Variants in ABCC9 observed in about 807,000 individuals in gnomAD.
ABCC9 encodes the protein ATP binding cassette subfamily C member 9, also known as ATP-binding cassette sub-family C member 9.
A neutral mutation model predicts 188.3 loss-of-function variants in ABCC9; 95 were observed. The observed-to-expected ratio is 0.50, with a 90% CI of 0.43 to 0.60. The LOEUF (loss-of-function observed/expected upper bound fraction) is 0.60. Ranked by LOEUF, ABCC9 falls within the 20% of genes least tolerant of loss-of-function variation. ABCC9 has a pLI of 0.00. For synonymous variants in ABCC9, 659 were observed against 652.7 expected (o/e 1.01, Z -0.15); for missense variants, 1,102 against 1,876.3 (o/e 0.59, Z 7.62).
At chr12:21,937,596 A>AG (rs1484267378) in intron 2 of ABCC9, among the ~76,000 whole-genome samples, 2 of 152,164 alleles carry the variant, frequency 1.3e-5, no homozygotes, top group African/African-American at 2.4e-5. Flanking sequence ...AGATGAGCAA[A>AG]GGTCTGCTCC....
rs181523457 is a variant in ABCC9, at chr12:21,847,379, C to T, written c.2866+771G>A. Among the ~76,000 whole-genome samples the T allele has an allele frequency of 4.6e-5, 7 of 152,128 alleles. No individual in the cohort carries two copies. In the East Asian group the frequency reaches 5.8e-4, roughly 13 times the overall value. On this transcript the variant is annotated intron_variant, in intron 25 of 39. Coordinates refer to ENST00000261200, the MANE Select transcript of ABCC9 (RefSeq NM_020297.4). ...TGTAGCCTTCATTCATTAATTCATTCGCTCAATGAATATTTGTTGAAATAC... is the reference window on the plus strand; with the variant it reads ...TGTAGCCTTCATTCATTAATTCATTTGCTCAATGAATATTTGTTGAAATAC...
intron 18 of ABCC9, 122 bp from the exon 19 acceptor site, chr12:21,864,599 G>T (rs1407745920): frequency 2.8e-6 from 2 of 711,706 alleles, no homozygotes; most frequent in Admixed American, 2.3e-5. Context: ...TTCCCAAATG[G>T]TTTCTGATAT....
At chr12:21,924,557 G>A (rs1247891371) in intron 5 of ABCC9, 1 of 151,874 alleles carries the variant, frequency 6.6e-6, no homozygotes, top group Admixed American at 6.6e-5. Flanking sequence ...TTATCTCCAT[G>A]TCCTTCCAGC....
At chr12:21,804,221 A>C (rs767298173) in intron 39 of ABCC9, among the ~76,000 whole-genome samples, 2 of 152,228 alleles carry the variant, frequency 1.3e-5, no homozygotes, top group African/African-American at 2.4e-5. Flanking sequence ...TATTCAGTGA[A>C]TGTAGAAGAG....
chr12:21,824,160 G>T (rs1295328025), intron 31 of ABCC9, among the ~76,000 whole-genome samples: 1 of 152,114 alleles, frequency 6.6e-6, no homozygotes, highest in Non-Finnish European at 1.5e-5. Context: ...TTTGAGATAC[G>T]TTCCATTGAT....
chr12:21,843,440 T>C (rs1944489306), intron 28 of ABCC9, among the ~76,000 whole-genome samples: 1 of 152,180 alleles, frequency 6.6e-6, no homozygotes, highest in Non-Finnish European at 1.5e-5. Context: ...AATAGGGAAA[T>C]TCTTTCTCTG....
intron 5 of ABCC9, among the ~76,000 whole-genome samples, chr12:21,922,749 T>TC (rs1288022018): frequency 2.3e-3 from 307 of 132,506 alleles, no homozygotes; most frequent in African/African-American, 0.01. Context: ...CTTTTTTTTT[T>TC]TCTTTTTTTT....
At chr12:21,866,608 G>T (rs1945795215) in intron 18 of ABCC9, among the ~76,000 whole-genome samples, 1 of 152,112 alleles carries the variant, frequency 6.6e-6, no homozygotes. Flanking sequence ...CTAATACAAT[G>T]ATTTGCATAT....
intron 12 of ABCC9, among the ~76,000 whole-genome samples, chr12:21,899,914 A>C (rs538052394): frequency 8.3e-4 from 126 of 152,238 alleles, no homozygotes; most frequent in South Asian, 7.3e-3. Flanking sequence ...AGGCAGAAAA[A>C]ACCTCTGCAG....
chr12:21,903,772 A>T (rs1016687921), intron 12 of ABCC9, among the ~76,000 whole-genome samples: 1 of 152,238 alleles, frequency 6.6e-6, no homozygotes, highest in African/African-American at 2.4e-5. Flanking sequence ...TGCTCAATGA[A>T]ATAAAAGAGG....
chr12:21,827,755 G>C (rs986017449), intron 31 of ABCC9, among the ~76,000 whole-genome samples: 1 of 152,136 alleles, frequency 6.6e-6, no homozygotes, highest in African/African-American at 2.4e-5. Flanking sequence ...TACCTGGAGG[G>C]AATTTATCAG....
chr12:21,807,863 A>G (rs1941963996), intron 37 of ABCC9, among the ~76,000 whole-genome samples: 1 of 152,154 alleles, frequency 6.6e-6, no homozygotes, highest in South Asian at 2.1e-4. Flanking sequence ...AAGATACAGA[A>G]TATTCTCAAC....
intron 11 of ABCC9, among the ~76,000 whole-genome samples, chr12:21,907,803 A>G (rs928385696): frequency 6.6e-6 from 1 of 152,074 alleles, no homozygotes; most frequent in African/African-American, 2.4e-5. Flanking sequence ...AAGTGATCTA[A>G]GAAGACTGAA....
chr12:21,900,123 C>T (rs142101327), intron 12 of ABCC9, among the ~76,000 whole-genome samples: 8 of 152,260 alleles, frequency 5.3e-5, no homozygotes, highest in Non-Finnish European at 1.0e-4. Context: ...TCCAGAGGAC[C>T]GATCAGGCAG....
chr12:21,869,263 A>G (rs1945941240), intron 18 of ABCC9, among the ~76,000 whole-genome samples: 1 of 152,142 alleles, frequency 6.6e-6, no homozygotes, highest in Admixed American at 6.5e-5. Context: ...TTACACTTTC[A>G]TCCTGCTGGC....
At chr12:21,830,445 A>G (rs1157204268) in intron 30 of ABCC9, among the ~76,000 whole-genome samples, 1 of 152,244 alleles carries the variant, frequency 6.6e-6, no homozygotes, top group Non-Finnish European at 1.5e-5. Context: ...GCAAGAAATA[A>G]GCAAACTTCA....
intron 15 of ABCC9, among the ~76,000 whole-genome samples, chr12:21,883,860 A>G (rs1946751344): frequency 6.6e-6 from 1 of 152,166 alleles, no homozygotes; most frequent in Non-Finnish European, 1.5e-5. Context: ...AGAGGATGCC[A>G]GCTGAGTTGT....
chr12:21,849,534 G>A (rs1457660768), intron 24 of ABCC9, among the ~76,000 whole-genome samples: 1 of 152,082 alleles, frequency 6.6e-6, no homozygotes, highest in African/African-American at 2.4e-5. Flanking sequence ...ATAATGAAAA[G>A]TAGATTTGAT....
intron 31 of ABCC9, among the ~76,000 whole-genome samples, chr12:21,822,265 A>G (rs1273277888): frequency 6.6e-6 from 1 of 151,904 alleles, no homozygotes; most frequent in African/African-American, 2.4e-5. Context: ...TAATTTTACT[A>G]ACTAGATACT....
Sources: allele counts gnomAD v4.1 joint callset (sites outside exome capture counted in the v4.1 genomes callset), GRCh38; gene constraint gnomAD v4.1.1; transcripts MANE v1.5; gene names NCBI Gene and HGNC (gene_info 2026-07-23, HGNC 2026-07-21).